MYO3B: variants seen among roughly 807,000 people sequenced by gnomAD.
MYO3B encodes myosin-IIIb.
MYO3B carries 156 observed loss-of-function variants against 174.6 expected under a neutral mutation model. That is an observed-to-expected ratio of 0.89 (90% confidence interval 0.78 to 1.02). The LOEUF (loss-of-function observed/expected upper bound fraction) is 1.02. Among genes scored for constraint, MYO3B ranks in the 50% least tolerant of loss-of-function variants. MYO3B has a pLI of 0.00. For missense variants in MYO3B, 1,632 were observed against 1,639.4 expected (o/e 1.00, Z 0.08); for synonymous variants, 563 against 569.1 (o/e 0.99, Z 0.15).
chr2:170,418,788 T>A (rs1170005212), intron 22 of MYO3B, among the ~76,000 whole-genome samples: 1 of 150,006 alleles, frequency 6.7e-6, no homozygotes, highest in Non-Finnish European at 1.5e-5. Flanking sequence ...GAATCACTCA[T>A]GAAATTTGGA....
intron 32 of MYO3B, among the ~76,000 whole-genome samples, chr2:170,555,425 C>G (rs1481483537): frequency 6.6e-6 from 1 of 152,172 alleles, no homozygotes; most frequent in East Asian, 1.9e-4. Flanking sequence ...TTATTCCTCC[C>G]TCCCCACAAG....
At chr2:170,278,106 A>C (rs1192222451) in intron 7 of MYO3B, among the ~76,000 whole-genome samples, 2 of 152,164 alleles carry the variant, frequency 1.3e-5, no homozygotes, top group African/African-American at 2.4e-5. Context: ...TTTGCTACAG[A>C]GTGGGCTTCC....
intron 32 of MYO3B, among the ~76,000 whole-genome samples, chr2:170,581,073 A>G (rs73029100): frequency 0.027 from 4,089 of 152,290 alleles, 165 homozygotes; most frequent in African/African-American, 0.093. Flanking sequence ...CAGGATGCAC[A>G]TCTACCATTC....
At chr2:170,222,548 G>A (rs377065428) in intron 6 of MYO3B, among the ~76,000 whole-genome samples, 54 of 152,120 alleles carry the variant, frequency 3.5e-4, no homozygotes, top group African/African-American at 1.2e-3. Context: ...TGCAAGCTGC[G>A]TAACTCCAGT....
At chr2:170,429,955 A>G (rs906967720) in intron 22 of MYO3B, among the ~76,000 whole-genome samples, 9 of 150,702 alleles carry the variant, frequency 6.0e-5, no homozygotes, top group African/African-American at 1.7e-4. Context: ...AAAGAACTGT[A>G]TAGTTGGCTC....
At chr2:170,480,434 G>A (rs1685618992) in intron 25 of MYO3B, among the ~76,000 whole-genome samples, 3 of 152,124 alleles carry the variant, frequency 2.0e-5, no homozygotes, top group Admixed American at 6.5e-5. Context: ...CCCTTTCCCC[G>A]GTAACTTGCC....
intron 1 of MYO3B, among the ~76,000 whole-genome samples, chr2:170,183,244 A>G (rs4485535): frequency 0.49 from 74,936 of 151,860 alleles, 19,519 homozygotes; most frequent in East Asian, 0.87. Context: ...GCCACAGAGC[A>G]AGACTCTGTC....
chr2:170,501,912 GACTA>G (rs750662694), intron 28 of MYO3B, 47 bp downstream of exon 28: 8 of 1,281,964 alleles, frequency 6.2e-6, no homozygotes, highest in Admixed American at 3.5e-5. Context: ...AATATTCTGT[GACTA>G]ACTTCTGTGA....
At chr2:170,235,070 C>T (rs1184423120) in intron 6 of MYO3B, among the ~76,000 whole-genome samples, 1 of 152,194 alleles carries the variant, frequency 6.6e-6, no homozygotes, top group Non-Finnish European at 1.5e-5. Context: ...GAGGGTGTCT[C>T]TATTACTCTG....
At chr2:170,342,830 T>C (rs189250012) in intron 8 of MYO3B, among the ~76,000 whole-genome samples, 98 of 152,200 alleles carry the variant, frequency 6.4e-4, no homozygotes, top group Non-Finnish European at 1.3e-3. Flanking sequence ...CCCAGAAAAC[T>C]TGTTCCAGAG....
At chr2:170,639,284 C>T (rs1168394476) in intron 32 of MYO3B, among the ~76,000 whole-genome samples, 1 of 152,190 alleles carries the variant, frequency 6.6e-6, no homozygotes, top group Non-Finnish European at 1.5e-5. Context: ...CATTGTGGGT[C>T]CCTAAGCATC....
chr2:170,326,466 A>T (rs2176593), intron 7 of MYO3B, among the ~76,000 whole-genome samples: 81,339 of 152,046 alleles, frequency 0.53, 22,909 homozygotes, highest in African/African-American at 0.71. Context: ...ACACTGGACA[A>T]TAACAGTTGG....
intron 1 of MYO3B, among the ~76,000 whole-genome samples, chr2:170,184,631 T>C (rs2092441274): frequency 6.6e-6 from 1 of 152,206 alleles, no homozygotes; most frequent in Non-Finnish European, 1.5e-5. Context: ...CTATTGTGAA[T>C]AGTGCTACAA....
chr2:170,454,242 A>T (rs974673696), intron 23 of MYO3B, among the ~76,000 whole-genome samples: 1 of 152,212 alleles, frequency 6.6e-6, no homozygotes, highest in African/African-American at 2.4e-5. Context: ...CTTCTTACTC[A>T]TTAGGGAGGG....
chr2:170,582,413 G>A (rs549872662), intron 32 of MYO3B, among the ~76,000 whole-genome samples: 1 of 152,286 alleles, frequency 6.6e-6, no homozygotes, highest in East Asian at 1.9e-4. Context: ...TGACCTCACT[G>A]CCCTCCTCTT....
Position 170,648,791 on chromosome 2 carries a change from T to G in MYO3B, c.3734-2837T>G, listed in dbSNP as rs193299549. ...ATAATATATTCTATGTATTCTATAATCTATATAATACATATTATATATTAT... is the reference window on the plus strand; with the variant it reads ...ATAATATATTCTATGTATTCTATAAGCTATATAATACATATTATATATTAT... On this transcript the variant is annotated intron_variant, in intron 32 of 34. Transcript: ENST00000408978. Among the ~76,000 whole-genome samples the G allele has an allele frequency of 9.0e-3, 962 of 107,268 alleles. 52 individuals are homozygous for G. The East Asian group carries it at 0.13, about 14-fold the overall frequency. 70.4% of individuals were successfully genotyped at this position (107,268 alleles called of 152,430 possible).
chr2:170,486,544 G>A (rs1365052272), intron 25 of MYO3B, among the ~76,000 whole-genome samples: 1 of 151,968 alleles, frequency 6.6e-6, no homozygotes, highest in Non-Finnish European at 1.5e-5. Context: ...CAGGTGATCC[G>A]CCCGCCTCGG....
intron 32 of MYO3B, among the ~76,000 whole-genome samples, chr2:170,578,832 T>G (rs189402781): frequency 1.2e-3 from 178 of 152,374 alleles, no homozygotes; most frequent in Admixed American, 1.9e-3. Context: ...GCAGAGGGCC[T>G]TGAAACCTAC....
chr2:170,255,527 AT>A (rs2093297162), intron 7 of MYO3B, among the ~76,000 whole-genome samples: 2 of 152,202 alleles, frequency 1.3e-5, no homozygotes, highest in Non-Finnish European at 2.9e-5. Context: ...AATACAGGAA[AT>A]TAGCTACAAC....
Sources: allele counts gnomAD v4.1 joint callset (sites outside exome capture counted in the v4.1 genomes callset), GRCh38; gene constraint gnomAD v4.1.1; transcripts MANE v1.5; gene names NCBI Gene and HGNC (gene_info 2026-07-23, HGNC 2026-07-21).